GHR: variants seen among roughly 807,000 people sequenced by gnomAD.
GHR encodes growth hormone receptor, also known as GH receptor.
Under a neutral mutation model 67.1 loss-of-function variants are expected in GHR, and 35 were observed. The ratio of observed to expected loss-of-function variants is 0.52; its 90% CI spans 0.40 to 0.69. The LOEUF is 0.69. GHR is among the 30% of genes least tolerant of loss of function. The pLI, the probability that GHR is intolerant of heterozygous loss-of-function variation, is 0.00. For synonymous variants in GHR, 272 were observed against 269.1 expected, an observed-to-expected ratio of 1.01 and a Z score of -0.10; for missense variants, 792 against 764.6, an observed-to-expected ratio of 1.04 and a Z score of -0.42.
At chr5:42,462,062 T>C (rs1744509905) in intron 1 of GHR, among the ~76,000 whole-genome samples, 1 of 152,238 alleles carries the variant, frequency 6.6e-6, no homozygotes, top group Admixed American at 6.5e-5. Context: ...CAAGTTATCA[T>C]GAAACTATTC....
intron 4 of GHR, among the ~76,000 whole-genome samples, chr5:42,690,124 C>T (rs1452115351): frequency 6.6e-6 from 1 of 152,234 alleles, no homozygotes; most frequent in Non-Finnish European, 1.5e-5. Context: ...AGCCAAGATG[C>T]AGGGTTAGTG....
intron 2 of GHR, among the ~76,000 whole-genome samples, chr5:42,568,803 G>C (rs1172556948): frequency 6.6e-6 from 1 of 152,186 alleles, no homozygotes; most frequent in Non-Finnish European, 1.5e-5. Flanking sequence ...AAAAAGAATA[G>C]ATCAAGGTGG....
chr5:42,587,629 C>T (rs1348576517), intron 2 of GHR, among the ~76,000 whole-genome samples: 8 of 151,824 alleles, frequency 5.3e-5, no homozygotes, highest in East Asian at 1.9e-4. Flanking sequence ...CCTTCTCTTT[C>T]GTATCGGAAT....
intron 3 of GHR, among the ~76,000 whole-genome samples, chr5:42,682,675 C>G (rs1460152217): frequency 6.6e-6 from 1 of 152,206 alleles, no homozygotes; most frequent in African/African-American, 2.4e-5. Flanking sequence ...AGGAGTCACC[C>G]ACTTTCTCAC....
At chr5:42,594,666 A>G (rs1463225421) in intron 2 of GHR, among the ~76,000 whole-genome samples, 1 of 152,158 alleles carries the variant, frequency 6.6e-6, no homozygotes, top group Non-Finnish European at 1.5e-5. Context: ...ACACTTTTCT[A>G]TACTTGGTAA....
chr5:42,472,131 A>T (rs1422400505), intron 1 of GHR, among the ~76,000 whole-genome samples: 1 of 152,184 alleles, frequency 6.6e-6, no homozygotes, highest in Non-Finnish European at 1.5e-5. Context: ...GAGTTGACAA[A>T]CTATGCAGCA....
chr5:42,565,917 T>C lies in GHR; in HGVS notation c.43T>C (p.Ser15Pro). Residue 15 changes from serine (S) to proline (P), a missense_variant, in exon 2 of 10, where the codon TCA (serine) becomes CCA (proline). Ser to Pro is a moderately conservative substitution (Grantham distance 74, BLOSUM62 -1). Coordinates refer to ENST00000230882, the MANE Select transcript of GHR (RefSeq NM_000163.5). ...GCTGTTGACCTTGGCACTGGCAGGA[T>C]CAAGTGATGCTTTTTCTGGAAGTGA... ...QLLLTLALAGSSDAFSGSEAT... is the reference protein window; with the variant it reads ...QLLLTLALAGPSDAFSGSEAT... The C allele has an allele frequency of 6.2e-7, 1 of 1,614,156 alleles. No individual in the cohort carries two copies. The highest frequency in any genetic ancestry group is 8.5e-7 in the Non-Finnish European group (1 of 1,179,974).
intron 3 of GHR, among the ~76,000 whole-genome samples, chr5:42,629,408 C>T (rs1753845691): frequency 7.6e-6 from 1 of 130,898 alleles, no homozygotes; most frequent in Non-Finnish European, 1.6e-5. Flanking sequence ...TTGTGCTGTC[C>T]TCACCATGAG....
rs891798774 is a variant in GHR, at chr5:42,699,941, G to C, written c.557G>C (p.Gly186Ala). The C allele has an allele frequency of 2.7e-5, 43 of 1,601,056 alleles. No homozygotes were observed. Among genetic ancestry groups the C allele is most frequent in the Non-Finnish European group, 3.6e-5 (42 of 1,168,274 alleles). The change falls in exon 6 of 10, where the codon GGA becomes GCA. Residue 186 changes from glycine to alanine, a missense_variant. Gly to Ala is a moderately conservative substitution (Grantham distance 60). Transcript: ENST00000230882. ...CCACGCAATGCAGATATTCAGAAAG[G>C]ATGGATGGTTCTGGAGTATGAACTT... ...EAPRNADIQK[G>A]WMVLEYELQY...
At position 42,529,013 on chromosome 5, in the gene GHR, CTT is replaced by C. The variant is rs60879144; in HGVS notation, c.-11-36836_-11-36835del. On this transcript the variant is annotated intron_variant, in intron 1 of 9. Coordinates refer to ENST00000230882, the MANE Select transcript of GHR (RefSeq NM_000163.5). ...AGACTACAACAGATTATACACGTAA[CTT>C]TTTTTTTTTTTTTTGAGACAGAGTC... Among the ~76,000 whole-genome samples the C allele has an allele frequency of 5.6e-3, 801 of 143,514 alleles. 9 individuals are homozygous for C. Among genetic ancestry groups the C allele is most frequent in the African/African-American group, 0.017 (664 of 39,034 alleles). 94.2% of individuals were successfully genotyped at this position (143,514 alleles called of 152,430 possible).
intron 3 of GHR, among the ~76,000 whole-genome samples, chr5:42,671,272 C>T (rs1212286182): frequency 6.6e-6 from 1 of 152,072 alleles, no homozygotes; most frequent in East Asian, 1.9e-4. Flanking sequence ...GGAACAGGCA[C>T]ATCACACAGG....
At chr5:42,534,118 GTATGTA>G (rs1748106624) in intron 1 of GHR, among the ~76,000 whole-genome samples, 3 of 146,668 alleles carry the variant, frequency 2.0e-5, no homozygotes, top group African/African-American at 7.6e-5. Flanking sequence ...ATGTATATAT[GTATGTA>G]TATATATGTA....
chr5:42,508,161 A>G (rs2112255166), intron 1 of GHR, among the ~76,000 whole-genome samples: 1 of 152,324 alleles, frequency 6.6e-6, no homozygotes, highest in African/African-American at 2.4e-5. Flanking sequence ...GACAGCAGCC[A>G]GGAGAATTGC....
intron 3 of GHR, among the ~76,000 whole-genome samples, chr5:42,651,135 A>G (rs1211420324): frequency 6.6e-6 from 1 of 152,148 alleles, no homozygotes; most frequent in Admixed American, 6.5e-5. Context: ...ACAAGGCTGG[A>G]GCTACTCAGG....
intron 6 of GHR, among the ~76,000 whole-genome samples, chr5:42,710,407 T>C (rs996622899): frequency 2.6e-5 from 4 of 152,006 alleles, no homozygotes; most frequent in Non-Finnish European, 5.9e-5. Flanking sequence ...GAATAACTGC[T>C]TTGAGTATTT....
intron 4 of GHR, among the ~76,000 whole-genome samples, chr5:42,690,854 T>C (rs563461754): frequency 5.6e-4 from 86 of 152,330 alleles, no homozygotes; most frequent in African/African-American, 2.0e-3. Context: ...GTATGTTTGA[T>C]GACACTTTTG....
intron 1 of GHR, among the ~76,000 whole-genome samples, chr5:42,515,200 T>C (rs564389770): frequency 6.6e-6 from 1 of 152,330 alleles, no homozygotes; most frequent in East Asian, 1.9e-4. Context: ...GAAAAGTGAT[T>C]GCAAATCCAG....
chr5:42,481,248 G>A (rs908403757), intron 1 of GHR, among the ~76,000 whole-genome samples: 29 of 152,226 alleles, frequency 1.9e-4, no homozygotes, highest in Non-Finnish European at 3.7e-4. Context: ...AGTTTCTGCC[G>A]AGAGATTAGC....
intron 3 of GHR, among the ~76,000 whole-genome samples, chr5:42,658,444 T>C (rs887452032): frequency 6.6e-6 from 1 of 152,194 alleles, no homozygotes; most frequent in African/African-American, 2.4e-5. Flanking sequence ...GTTGTGAAGA[T>C]GGAATGAGAA....
Sources: allele counts gnomAD v4.1 joint callset (sites outside exome capture counted in the v4.1 genomes callset), GRCh38; gene constraint gnomAD v4.1.1; transcripts MANE v1.5; gene names NCBI Gene and HGNC (gene_info 2026-07-23, HGNC 2026-07-21).